The following ALCAM variants were observed in gnomAD, a reference collection of about 807,000 sequenced individuals.
ALCAM encodes activated leukocyte cell adhesion molecule, also known as CD166 antigen.
Under a neutral mutation model 70.9 loss-of-function variants are expected in ALCAM, and 30 were observed. The ratio of observed to expected loss-of-function variants is 0.42; its 90% CI spans 0.32 to 0.57. ALCAM has a LOEUF of 0.57. Among genes scored for constraint, ALCAM ranks in the 20% least tolerant of loss-of-function variants. ALCAM has a pLI of 0.11. For missense variants in ALCAM, 591 were observed against 695.1 expected (o/e 0.85, Z 1.68); for synonymous variants, 249 against 242.5 (o/e 1.03, Z -0.25).
At chr3:105,523,201 G>A (rs1939599912) in intron 2 of ALCAM, among the ~76,000 whole-genome samples, 2 of 142,800 alleles carry the variant, frequency 1.4e-5, no homozygotes, top group Admixed American at 7.0e-5. Flanking sequence ...ATAAAGTTAA[G>A]TGCTCAAAAA....
chr3:105,379,067 A>G (rs2107330332), intron 1 of ALCAM, among the ~76,000 whole-genome samples: 1 of 152,066 alleles, frequency 6.6e-6, no homozygotes, highest in East Asian at 1.9e-4. Flanking sequence ...TCAGAGCATG[A>G]GTTTGCTTTC....
chr3:105,424,484 T>C (rs749675608), intron 1 of ALCAM, among the ~76,000 whole-genome samples: 19 of 151,708 alleles, frequency 1.3e-4, no homozygotes, highest in Non-Finnish European at 2.4e-4. Context: ...GAAATCAGAA[T>C]GTTTCATGGT....
chr3:105,471,574 G>T (rs939086544), intron 1 of ALCAM, among the ~76,000 whole-genome samples: 1 of 145,860 alleles, frequency 6.9e-6, no homozygotes, highest in Non-Finnish European at 1.5e-5. Context: ...GATCAGCTGC[G>T]AAGTAATAAG....
intron 14 of ALCAM, chr3:105,552,826 T>A (rs1171014174): frequency 5.5e-6 from 7 of 1,283,482 alleles, no homozygotes; most frequent in Non-Finnish European, 6.9e-6. Context: ...ATAGCCTGAA[T>A]TCAATTATTT....
chr3:105,492,763 T>C (rs1475674439), intron 1 of ALCAM, among the ~76,000 whole-genome samples: 1 of 152,132 alleles, frequency 6.6e-6, no homozygotes, highest in African/African-American at 2.4e-5. Flanking sequence ...TTTTTCCTAC[T>C]GAACATGTAC....
At chr3:105,376,428 CA>C (rs1476017386) in intron 1 of ALCAM, among the ~76,000 whole-genome samples, 4 of 152,204 alleles carry the variant, frequency 2.6e-5, no homozygotes, top group Non-Finnish European at 4.4e-5. Context: ...ACTAAGGTCA[CA>C]TTGTTGGCCA....
chr3:105,523,918 T>C (rs1939621041), intron 2 of ALCAM, among the ~76,000 whole-genome samples: 1 of 152,216 alleles, frequency 6.6e-6, no homozygotes, highest in African/African-American at 2.4e-5. Flanking sequence ...TATTTGCAGC[T>C]CAAGTGTATA....
chr3:105,554,141 A>G (rs1940469799), intron 14 of ALCAM, among the ~76,000 whole-genome samples: 1 of 151,878 alleles, frequency 6.6e-6, no homozygotes, highest in Non-Finnish European at 1.5e-5. Context: ...AAATTGACTG[A>G]CATGATTACG....
chr3:105,509,596 T>A (rs1486255661), intron 1 of ALCAM, among the ~76,000 whole-genome samples: 1 of 152,166 alleles, frequency 6.6e-6, no homozygotes, highest in Non-Finnish European at 1.5e-5. Flanking sequence ...CTAAGTTTTA[T>A]GAATTCCTTA....
At chr3:105,568,775 A>G (rs1400766723) in intron 14 of ALCAM, among the ~76,000 whole-genome samples, 1 of 152,116 alleles carries the variant, frequency 6.6e-6, no homozygotes, top group Non-Finnish European at 1.5e-5. Flanking sequence ...TTCAATTTCT[A>G]CTTTATTTTT....
chr3:105,526,353 A>C (rs1044126046), intron 3 of ALCAM, among the ~76,000 whole-genome samples: 2 of 152,130 alleles, frequency 1.3e-5, no homozygotes, highest in African/African-American at 4.8e-5. Flanking sequence ...ATCAGGCCAA[A>C]TCTGATTTTT....
chr3:105,417,584 T>C (rs1394279662), intron 1 of ALCAM, among the ~76,000 whole-genome samples: 1 of 151,854 alleles, frequency 6.6e-6, no homozygotes, highest in Admixed American at 6.6e-5. Flanking sequence ...ACAAATTCTT[T>C]AGCCTTGTTT....
chr3:105,367,932 C>G (rs1282086674), intron 1 of ALCAM, among the ~76,000 whole-genome samples: 1 of 152,030 alleles, frequency 6.6e-6, no homozygotes, highest in Non-Finnish European at 1.5e-5. Context: ...GTAACTTCCC[C>G]TTGGTGAGCC....
intron 1 of ALCAM, among the ~76,000 whole-genome samples, chr3:105,442,735 C>T (rs1428337550): frequency 1.3e-5 from 2 of 151,602 alleles, no homozygotes; most frequent in South Asian, 2.1e-4. Flanking sequence ...GAGCCGAGAT[C>T]GCACCACTGC....
intron 6 of ALCAM, 115 bp downstream of exon 6, chr3:105,534,960 C>A: frequency 2.0e-6 from 2 of 1,011,256 alleles, no homozygotes; most frequent in Non-Finnish European, 2.8e-6. Context: ...CCAGTCTGCA[C>A]CCCAAATTGA....
At chr3:105,400,821 C>T (rs1370509971) in intron 1 of ALCAM, among the ~76,000 whole-genome samples, 1 of 152,106 alleles carries the variant, frequency 6.6e-6, no homozygotes, top group African/African-American at 2.4e-5. Context: ...ACTCAGTTAC[C>T]AGCTAGTCAT....
chr3:105,423,847 G>T (rs1936728851), intron 1 of ALCAM, among the ~76,000 whole-genome samples: 1 of 151,602 alleles, frequency 6.6e-6, no homozygotes, highest in Non-Finnish European at 1.5e-5. Flanking sequence ...AGAGAAAAGA[G>T]CCTAATCATA....
chr3:105,510,476 T>G (rs984738414), intron 1 of ALCAM, among the ~76,000 whole-genome samples: 3 of 152,108 alleles, frequency 2.0e-5, no homozygotes, highest in African/African-American at 7.2e-5. Context: ...ATGAGGAACA[T>G]TTTCATGTCC....
intron 14 of ALCAM, among the ~76,000 whole-genome samples, chr3:105,558,796 T>G (rs934042918): frequency 6.6e-6 from 1 of 152,142 alleles, no homozygotes; most frequent in African/African-American, 2.4e-5. Flanking sequence ...AGTCCCTGCA[T>G]GTAACCTGCC....
Sources: allele counts gnomAD v4.1 joint callset (sites outside exome capture counted in the v4.1 genomes callset), GRCh38; gene constraint gnomAD v4.1.1; transcripts MANE v1.5; gene names NCBI Gene and HGNC (gene_info 2026-07-23, HGNC 2026-07-21).